The following GLP2R variants were observed in gnomAD, a reference collection of about 807,000 sequenced individuals.
The protein encoded by GLP2R is glucagon-like peptide 2 receptor.
In GLP2R, 59 loss-of-function variants were observed where a neutral mutation model predicts 68.2. The observed-to-expected ratio is 0.87, with a 90% CI of 0.70 to 1.07. The LOEUF is 1.07. Among genes scored for constraint, GLP2R ranks in the 50% least tolerant of loss-of-function variants. The pLI is 0.00. For missense variants in GLP2R, 548 were observed against 677.4 expected, an observed-to-expected ratio of 0.81 and a Z score of 2.12; for synonymous variants, 270 against 265.4, an observed-to-expected ratio of 1.02 and a Z score of -0.17.
chr17:9,853,698 T>C (rs2066911944), intron 4 of GLP2R, among the ~76,000 whole-genome samples: 1 of 152,230 alleles, frequency 6.6e-6, no homozygotes, highest in Non-Finnish European at 1.5e-5. Context: ...TAGTCCTATA[T>C]CTATTATTAA....
At chr17:9,846,311 C>T (rs753716921) in intron 4 of GLP2R, among the ~76,000 whole-genome samples, 1 of 152,146 alleles carries the variant, frequency 6.6e-6, no homozygotes, top group Non-Finnish European at 1.5e-5. Context: ...GGCGATACCA[C>T]ATAAAGTTTA....
At chr17:9,869,224 C>G (rs2067068810) in intron 9 of GLP2R, among the ~76,000 whole-genome samples, 1 of 152,216 alleles carries the variant, frequency 6.6e-6, no homozygotes, top group South Asian at 2.1e-4. Flanking sequence ...CTCCTCCAGC[C>G]TTACCCTCAC....
intron 1 of GLP2R, among the ~76,000 whole-genome samples, chr17:9,826,973 G>A (rs4791879): frequency 0.11 from 16,697 of 152,184 alleles, 1,038 homozygotes; most frequent in East Asian, 0.26. Flanking sequence ...CCGGGTTCAA[G>A]TGATTTTCCT....
intron 4 of GLP2R, among the ~76,000 whole-genome samples, chr17:9,851,757 G>A (rs2066893355): frequency 6.6e-6 from 1 of 151,820 alleles, no homozygotes; most frequent in East Asian, 1.9e-4. Context: ...ACTAGAAATA[G>A]TACATATAAA....
chr17:9,829,602 T>A (rs1240676224), intron 1 of GLP2R, among the ~76,000 whole-genome samples: 1 of 152,206 alleles, frequency 6.6e-6, no homozygotes, highest in African/African-American at 2.4e-5. Flanking sequence ...TTTACTTCAT[T>A]TATTATTTAT....
intron 10 of GLP2R, among the ~76,000 whole-genome samples, chr17:9,875,646 A>G (rs1387645351): frequency 6.6e-6 from 1 of 152,160 alleles, no homozygotes; most frequent in Non-Finnish European, 1.5e-5. Flanking sequence ...TGGCTTGGAG[A>G]AAGAGAACTG....
intron 10 of GLP2R, among the ~76,000 whole-genome samples, chr17:9,880,023 T>C (rs1452541933): frequency 6.6e-6 from 1 of 152,132 alleles, no homozygotes; most frequent in Non-Finnish European, 1.5e-5. Flanking sequence ...TGATAGGAAA[T>C]TTAACAAACC....
chr17:9,880,667 C>T, intron 11 of GLP2R, 151 bp downstream of exon 11: 1 of 536,550 alleles, frequency 1.9e-6, no homozygotes, highest in Non-Finnish European at 3.3e-6. Flanking sequence ...ATTAGAAGGG[C>T]ATGCAGACGG....
chr17:9,836,823 G>GTTATTA (rs58592727), intron 3 of GLP2R, among the ~76,000 whole-genome samples: 3,687 of 150,354 alleles, frequency 0.025, 114 homozygotes, highest in African/African-American at 0.072. Flanking sequence ...GGACGATCAA[G>GTTATTA]TTATTATTAT....
Position 9,833,834 on chromosome 17 carries a change from A to C in GLP2R, c.217A>C (p.Thr73Pro), listed in dbSNP as rs769900214. 8.1e-6 allele frequency: 13 copies of C among 1,613,086 alleles called. No individual in the cohort carries two copies. Among genetic ancestry groups the C allele is most frequent in the Admixed American group, 3.3e-5 (2 of 59,916 alleles). The change falls in exon 2 of 13, where the codon ACT (threonine) becomes CCT (proline). Residue 73 changes from threonine (T) to proline (P), a missense_variant. Thr to Pro is a conservative substitution (Grantham distance 38). Coordinates refer to ENST00000262441, the MANE Select transcript of GLP2R (RefSeq NM_004246.3). The part of the protein sequence containing the change: ...QVTGSLLEET[T>P]RKWAQYKQAC... ...TACAGGATCCCTCCTTGAGGAAACG[A>C]CTCGGAAGTGGGCTCAGTACAAACA...
Position 9,865,762 on chromosome 17 carries a change from A to G in GLP2R, c.1056+3672A>G, listed in dbSNP as rs141752206. 9.1e-3 allele frequency: 4,249 copies of G among 468,758 alleles called. 38 individuals are homozygous for G. Among genetic ancestry groups the G allele is most frequent in the Non-Finnish European group, 0.013 (2,974 of 226,064 alleles). 29.0% of individuals were successfully genotyped at this position (468,758 alleles called of 1,614,324 possible). A position where few individuals can be genotyped will look rare whatever the true frequency, so the allele number is the denominator to read the frequency against. ...AAAATAAGTCAACAGGCATGCCTAG[A>G]AGGGAATATTTCACAATCACCCTCA... is the stretch of plus-strand genomic sequence containing the variant. On this transcript the variant is annotated intron_variant, in intron 9 of 12. Transcript: ENST00000262441.
In GLP2R at chr17:9,828,504, A is replaced by T. The variant is rs111709812; in HGVS notation, c.189+2252A>T. 7.7e-3 allele frequency among the ~76,000 whole-genome samples: 1,179 copies of T among 152,340 alleles called. 11 individuals carry two copies. Among genetic ancestry groups the T allele is most frequent in the African/African-American group, 0.026 (1,084 of 41,574 alleles). ...GCCAAGCCCTGAGACAGCGCTCAGG[A>T]TATTATCATAAAATGCTTCCTCACA... On this transcript the variant is annotated intron_variant, in intron 1 of 12. Coordinates refer to ENST00000262441, the MANE Select transcript of GLP2R (RefSeq NM_004246.3).
intron 3 of GLP2R, 113 bp from the exon 4 acceptor site, chr17:9,842,382 C>T (rs1038911311): frequency 5.2e-6 from 7 of 1,349,754 alleles, no homozygotes; most frequent in Non-Finnish European, 7.2e-6. Flanking sequence ...AATGAGCCCC[C>T]AAAAGGGGAA....
At chr17:9,887,896 A>C (rs746126701) in intron 11 of GLP2R, 36 bp from the exon 12 acceptor site, 2 of 1,546,898 alleles carry the variant, frequency 1.3e-6, no homozygotes, top group African/African-American at 1.4e-5. Flanking sequence ...TCTTCTCCGG[A>C]GTCAGATTTT....
chr17:9,889,598 C>T lies in GLP2R; in HGVS notation c.1555C>T (p.Gln519Ter), dbSNP rs1358059867. Residue 519 changes from glutamine to a stop codon, truncating the protein, a stop_gained, in exon 13 of 13, where the codon CAG becomes TAG. Transcript: ENST00000262441. LOFTEE classifies it high-confidence loss of function. Reference protein sequence around the residue: ...GLGELGAQPQQDHARWPRGSS... With the variant: ...GLGELGAQPQ ...TGGGGAGCTGGGCGCCCAGCCCCAA[C>T]AGGACCATGCACGCTGGCCCCGGGG... is the stretch of plus-strand genomic sequence containing the variant. 6.2e-7 allele frequency: 1 copy of T among 1,614,114 alleles called. No homozygotes were observed.
chr17:9,841,732 C>G (rs893257988), intron 3 of GLP2R, among the ~76,000 whole-genome samples: 5 of 152,132 alleles, frequency 3.3e-5, no homozygotes, highest in African/African-American at 1.2e-4. Context: ...GGGCTATACC[C>G]TTTGGTTGTC....
At chr17:9,852,010 G>A (rs902378771) in intron 4 of GLP2R, among the ~76,000 whole-genome samples, 1 of 149,764 alleles carries the variant, frequency 6.7e-6, no homozygotes, top group African/African-American at 2.4e-5. Flanking sequence ...ATTTTGTGAT[G>A]CAACCAAAGC....
chr17:9,865,303 C>T (rs2067024526), intron 9 of GLP2R, among the ~76,000 whole-genome samples: 1 of 135,672 alleles, frequency 7.4e-6, no homozygotes, highest in African/African-American at 3.1e-5. Flanking sequence ...CTTCTTTAGC[C>T]CCTTGTGATT....
intron 12 of GLP2R, among the ~76,000 whole-genome samples, chr17:9,888,416 C>T (rs1337408557): frequency 1.3e-5 from 2 of 152,168 alleles, no homozygotes; most frequent in Non-Finnish European, 2.9e-5. Context: ...ATGCTGAGCA[C>T]ATAGCAAATA....
Sources: gnomAD v4.1 joint callset for allele counts (sites outside exome capture counted in the v4.1 genomes callset) on GRCh38, gnomAD v4.1.1 for gene constraint, MANE v1.5 for transcripts, NCBI Gene and HGNC (gene_info 2026-07-23, HGNC 2026-07-21) for gene names.